Variants in STAT4 observed in about 807,000 individuals in gnomAD.
STAT4 encodes the protein signal transducer and activator of transcription 4.
In STAT4, 42 loss-of-function variants were observed where a neutral mutation model predicts 110.5. That is an observed-to-expected ratio of 0.38 (90% CI 0.30 to 0.49). STAT4 has a LOEUF of 0.49. STAT4 is among the 20% of genes least tolerant of loss of function. STAT4 has a pLI of 0.95. For synonymous variants in STAT4, 284 were observed against 302.2 expected (o/e 0.94, Z 0.63); for missense variants, 632 against 887.9 (o/e 0.71, Z 3.66).
Position 191,033,761 on chromosome 2 carries a change from A to G in STAT4, c.1716-135T>C. Reference sequence around the variant, plus strand: ...GAAATACTCATATATAGATTAATATACATAGTGCCACTCCACAAAGAATAA... The same window carrying G: ...GAAATACTCATATATAGATTAATATGCATAGTGCCACTCCACAAAGAATAA... On this transcript the variant is annotated intron_variant, in intron 19 of 23. Coordinates refer to ENST00000392320, the MANE Select transcript of STAT4 (RefSeq NM_003151.4). This position sits in a 1 kb window ranked among gnomAD's most constrained non-coding sequence, Gnocchi z 6.9. 2 of 1,339,084 alleles carry G rather than the reference A, an allele frequency of 1.5e-6. No individual in the cohort carries two copies. Among genetic ancestry groups the G allele is most frequent in the African/African-American group, 3.0e-5 (2 of 67,650 alleles). 83.0% of individuals were successfully genotyped at this position (1,339,084 alleles called of 1,614,324 possible).
At chr2:191,069,915 A>G in intron 5 of STAT4, 144 bp from the exon 6 acceptor site, 1 of 584,312 alleles carries the variant, frequency 1.7e-6, no homozygotes, top group Non-Finnish European at 3.0e-6. Context: ...GCTTCTAAAG[A>G]GCTAATTCAT....
chr2:191,144,930 A>G lies in STAT4; in HGVS notation c.273+1683T>C, dbSNP rs1316889266. 6.6e-6 allele frequency among the ~76,000 whole-genome samples: 1 copy of G among 151,956 alleles called. No individual in the cohort carries two copies. Among genetic ancestry groups the G allele is most frequent in the Non-Finnish European group, 1.5e-5 (1 of 68,030 alleles). On this transcript the variant is annotated intron_variant, in intron 3 of 23. Transcript: ENST00000392320. This position sits in a 1 kb window ranked among gnomAD's most constrained non-coding sequence, Gnocchi z 4.7. The stretch of plus-strand genomic sequence containing the variant: ...TTGCTCAAAGCCACATTTGAGAGTC[A>G]GATTTTTAACCCAGACCTTCTTGGT...
rs573648508 is a variant in STAT4, at chr2:191,105,598, A to T, written c.274-29273T>A. Reference sequence around the variant, plus strand: ...ACAGCAAAAGCATAAGTAGAAAAATAAAAAGCCAGTCTTCATTTTACCCAC... The same window carrying T: ...ACAGCAAAAGCATAAGTAGAAAAATTAAAAGCCAGTCTTCATTTTACCCAC... On this transcript the variant is annotated intron_variant, in intron 3 of 23. Transcript: ENST00000392320. 3.3e-5 allele frequency among the ~76,000 whole-genome samples: 5 copies of T among 150,820 alleles called. No homozygotes were observed. In the East Asian group the frequency reaches 7.7e-4, roughly 23 times the overall value.
In STAT4 at chr2:191,037,768, G is replaced by A. The variant is rs1294028860; in HGVS notation, c.1434+1431C>T. ...GGGCAATAGGAAGAGGAGGAATGAA[G>A]AGAAAGAATTTCTAGGGAGATGGTT... On this transcript the variant is annotated intron_variant, in intron 16 of 23. Transcript: ENST00000392320. The surrounding 1 kb of genome is among the most constrained non-coding windows in gnomAD (Gnocchi z 4.8). 6.6e-6 allele frequency among the ~76,000 whole-genome samples: 1 copy of A among 152,184 alleles called. No individual in the cohort carries two copies. Among genetic ancestry groups the A allele is most frequent in the Non-Finnish European group, 1.5e-5 (1 of 68,032 alleles).
chr2:191,112,011 G>A lies in STAT4; in HGVS notation c.273+34602C>T, dbSNP rs1467278310. Reference sequence around the variant, plus strand: ...GAGGTAGGAGGGAGGGATTAGGAAGGGACATGAGGAAACTTTCAAGGGTGC... The same window carrying A: ...GAGGTAGGAGGGAGGGATTAGGAAGAGACATGAGGAAACTTTCAAGGGTGC... On this transcript the variant is annotated intron_variant, in intron 3 of 23. Coordinates refer to ENST00000392320, the MANE Select transcript of STAT4 (RefSeq NM_003151.4). This position sits in a 1 kb window ranked among gnomAD's most constrained non-coding sequence, Gnocchi z 4.3. 6.6e-6 allele frequency among the ~76,000 whole-genome samples: 1 copy of A among 152,072 alleles called. No individual in the cohort carries two copies. Among genetic ancestry groups the A allele is most frequent in the Non-Finnish European group, 1.5e-5 (1 of 68,024 alleles).
chr2:191,095,843 A>G (rs1211838795), intron 3 of STAT4, among the ~76,000 whole-genome samples: 2 of 152,220 alleles, frequency 1.3e-5, no homozygotes, highest in African/African-American at 2.4e-5. Flanking sequence ...GGTTTTTTGA[A>G]AAGATCAACA....
intron 3 of STAT4, among the ~76,000 whole-genome samples, chr2:191,100,206 G>A (rs1484816664): frequency 6.6e-6 from 1 of 152,176 alleles, no homozygotes; most frequent in Non-Finnish European, 1.5e-5. Context: ...AACTCTCAAA[G>A]TGTCCCTGTA....
At chr2:191,096,223 T>C (rs1697977281) in intron 3 of STAT4, among the ~76,000 whole-genome samples, 1 of 152,198 alleles carries the variant, frequency 6.6e-6, no homozygotes, top group South Asian at 2.1e-4. Flanking sequence ...CTTCTGAAAC[T>C]ATTCCAATCA....
Position 191,033,861 on chromosome 2 carries a change from G to T in STAT4, c.1715+50C>A. The T allele has an allele frequency of 1.4e-6, 2 of 1,474,396 alleles. No homozygotes were observed. The highest frequency in any genetic ancestry group is 1.8e-6 in the Non-Finnish European group (2 of 1,082,842). 91.3% of individuals were successfully genotyped at this position (1,474,396 alleles called of 1,614,324 possible). On this transcript the variant is annotated intron_variant, in intron 19 of 23. Coordinates refer to ENST00000392320, the MANE Select transcript of STAT4 (RefSeq NM_003151.4). The surrounding 1 kb of genome is among the most constrained non-coding windows in gnomAD (Gnocchi z 6.9). ...AGAAAGAAGAAAACCAATAACAACA[G>T]AAAAAAAGAACATAATTAACTCATA...
In STAT4 at chr2:191,138,613, A is replaced by T. The variant is rs1200887519; in HGVS notation, c.273+8000T>A. Among the ~76,000 whole-genome samples the T allele has an allele frequency of 2.3e-5, 3 of 130,784 alleles. No individual in the cohort carries two copies. The highest frequency in any genetic ancestry group is 7.6e-5 in the African/African-American group (3 of 39,452). 85.8% of individuals were successfully genotyped at this position (130,784 alleles called of 152,430 possible). On this transcript the variant is annotated intron_variant, in intron 3 of 23. Coordinates refer to ENST00000392320, the MANE Select transcript of STAT4 (RefSeq NM_003151.4). This position sits in a 1 kb window ranked among gnomAD's most constrained non-coding sequence, Gnocchi z 4.3. ...AGCAGCAAAATTGAATCAGTAGTTT[A>T]AAAAAAATTGCCAACCAAAAAAGTC...
At chr2:191,087,310 A>G (rs962103798) in intron 3 of STAT4, among the ~76,000 whole-genome samples, 1 of 152,160 alleles carries the variant, frequency 6.6e-6, no homozygotes, top group Non-Finnish European at 1.5e-5. Context: ...TTGCCTTTTA[A>G]TGCGTGAAAC....
chr2:191,056,986 T>C (rs1696715106), intron 13 of STAT4, among the ~76,000 whole-genome samples: 1 of 152,158 alleles, frequency 6.6e-6, no homozygotes, highest in Admixed American at 6.5e-5. Context: ...TTTCACCATG[T>C]TGGCCAGGCT....
intron 4 of STAT4, chr2:191,075,979 A>C: frequency 2.5e-6 from 1 of 402,268 alleles, no homozygotes; most frequent in Non-Finnish European, 4.6e-6. Context: ...GCCTCCACAG[A>C]GCTAGGACTA....
upstream of STAT4, chr2:191,151,186 AC>A (rs1699582713): frequency 3.0e-6 from 3 of 985,514 alleles, no homozygotes; most frequent in African/African-American, 5.2e-5. This position sits in a 1 kb window ranked among gnomAD's most constrained non-coding sequence, Gnocchi z 4.7. Flanking sequence ...GAGCCCCTTC[AC>A]CGGGCGTCCT....
rs571829920 is a variant in STAT4, at chr2:191,062,890, T to A, written c.813A>T (p.Gln271His). The change falls in exon 9 of 24, where the codon CAA becomes CAT. Residue 271 changes from glutamine (Q) to histidine (H), a missense_variant. By Grantham distance (24) the Gln-to-His change is conservative (BLOSUM62 0). Transcript: ENST00000392320. This position sits in a 1 kb window ranked among gnomAD's most constrained non-coding sequence, Gnocchi z 4.9. Reference sequence around the variant, plus strand: ...CTAGTTTCTCCAATTGCCTTCTCAGTTGGAAAAGACTTTCTGCCAATAGTG... The same window carrying A: ...CTAGTTTCTCCAATTGCCTTCTCAGATGGAAAAGACTTTCTGCCAATAGTG... ...CFTLLAESLF[Q>H]LRRQLEKLEE... 1.2e-6 allele frequency: 2 copies of A among 1,613,818 alleles called. No homozygotes were observed. The highest frequency in any genetic ancestry group is 2.2e-5 in the East Asian group (1 of 44,850).
rs767222176 is a variant in STAT4, at chr2:191,069,802, C to G, written c.466-31G>C. 9 of 1,532,006 alleles carry G rather than the reference C, an allele frequency of 5.9e-6. No homozygotes were observed. In the South Asian group the frequency reaches 8.2e-5, roughly 14 times the overall value. The allele number at this position is 1,532,006 out of a possible 1,614,324, so 94.9% of individuals were successfully genotyped here. A position where few individuals can be genotyped will look rare whatever the true frequency, so the allele number is the denominator to read the frequency against. Reference sequence around the variant, plus strand: ...CACAAAAGAAAACATACTCACTCTGCTGTCACAATTAAGCATGTCAATCAA... The same window carrying G: ...CACAAAAGAAAACATACTCACTCTGGTGTCACAATTAAGCATGTCAATCAA... On this transcript the variant is annotated intron_variant, in intron 5 of 23. Transcript: ENST00000392320.
At chr2:191,044,715 T>A (rs1696299627) in intron 14 of STAT4, among the ~76,000 whole-genome samples, 1 of 152,154 alleles carries the variant, frequency 6.6e-6, no homozygotes, top group Non-Finnish European at 1.5e-5. Flanking sequence ...TAGCCAGGAC[T>A]GGAGCCAGAA....
rs1228633468 is a variant in STAT4 at position 191,039,076 on chromosome 2, T to C, written c.1434+123A>G. ...AGAGGAAACATACAACTAGAAATAC[T>C]ACAAATAAAGCAACTCTCACCCCAC... On this transcript the variant is annotated intron_variant, in intron 16 of 23. Coordinates refer to ENST00000392320, the MANE Select transcript of STAT4 (RefSeq NM_003151.4). The surrounding 1 kb of genome is among the most constrained non-coding windows in gnomAD (Gnocchi z 4.7). 2.5e-6 allele frequency: 2 copies of C among 788,896 alleles called. No homozygotes were observed. The highest frequency in any genetic ancestry group is 4.4e-6 in the Non-Finnish European group (2 of 459,444). 48.9% of individuals were successfully genotyped at this position (788,896 alleles called of 1,614,324 possible).
At chr2:191,052,202 T>C (rs1574710421) in intron 14 of STAT4, among the ~76,000 whole-genome samples, 1 of 152,190 alleles carries the variant, frequency 6.6e-6, no homozygotes, top group Non-Finnish European at 1.5e-5. Context: ...TCATCCCTAC[T>C]GAATGGCCAA....
Sources: gnomAD v4.1 joint callset for allele counts (sites outside exome capture counted in the v4.1 genomes callset) on GRCh38, gnomAD v4.1.1 for gene constraint, Gnocchi (gnomAD v3.1) non-coding constraint, MANE v1.5 for transcripts, NCBI Gene and HGNC (gene_info 2026-07-23, HGNC 2026-07-21) for gene names.